Variants in SORBS2 observed in about 807,000 individuals in gnomAD.
SORBS2 encodes sorbin and SH3 domain-containing protein 2.
SORBS2 carries 46 observed loss-of-function variants against 97.7 expected under a neutral mutation model. The observed-to-expected ratio is 0.47, with a 90% CI of 0.37 to 0.60. The LOEUF (loss-of-function observed/expected upper bound fraction) is 0.60. Among genes scored for constraint, SORBS2 ranks in the 20% least tolerant of loss-of-function variants. The pLI, the probability that SORBS2 is intolerant of heterozygous loss-of-function variation, is 0.00. For missense variants in SORBS2, 1,316 were observed against 1,282.3 expected, an observed-to-expected ratio of 1.03 and a Z score of -0.40; for synonymous variants, 476 against 473.4, an observed-to-expected ratio of 1.01 and a Z score of -0.07.
intron 1 of SORBS2, among the ~76,000 whole-genome samples, chr4:185,888,081 T>TATTATTATTA (rs56214446): frequency 6.6e-6 from 1 of 151,638 alleles, no homozygotes; most frequent in African/African-American, 2.4e-5. Context: ...TTATTATTAT[T>TATTATTATTA]TTGCTTTCTG....
chr4:185,758,233 A>G (rs148858635), intron 2 of SORBS2, among the ~76,000 whole-genome samples: 2 of 152,232 alleles, frequency 1.3e-5, no homozygotes, highest in African/African-American at 4.8e-5. Context: ...ACTTTCCAGA[A>G]TTACAGCATT....
intron 1 of SORBS2, among the ~76,000 whole-genome samples, chr4:185,947,535 G>GT (rs1461837975): frequency 6.6e-6 from 1 of 152,182 alleles, no homozygotes; most frequent in African/African-American, 2.4e-5. Flanking sequence ...TGCCAGCTCT[G>GT]TGGTCTTACA....
At chr4:185,603,134 C>T (rs2096306472) in intron 12 of SORBS2, among the ~76,000 whole-genome samples, 1 of 152,092 alleles carries the variant, frequency 6.6e-6, no homozygotes, top group African/African-American at 2.4e-5. Flanking sequence ...TTTTTAAATC[C>T]TGGCTTTGTC....
intron 1 of SORBS2, among the ~76,000 whole-genome samples, chr4:185,847,308 G>C (rs1435773604): frequency 6.6e-6 from 1 of 152,098 alleles, no homozygotes; most frequent in Non-Finnish European, 1.5e-5. Flanking sequence ...ACTTTCTTTG[G>C]GATTGGAGAA....
At chr4:185,761,470 T>A (rs1461300601) in intron 2 of SORBS2, 3 of 152,256 alleles carry the variant, frequency 2.0e-5, no homozygotes, top group Non-Finnish European at 4.4e-5. Context: ...TCACATAAAT[T>A]CACCTGCATT....
At chr4:185,864,042 G>A (rs2099225408) in intron 1 of SORBS2, among the ~76,000 whole-genome samples, 1 of 152,206 alleles carries the variant, frequency 6.6e-6, no homozygotes, top group South Asian at 2.1e-4. Context: ...AAGATAAGGT[G>A]AAGTATGCAA....
intron 4 of SORBS2, among the ~76,000 whole-genome samples, chr4:185,673,491 T>C (rs2097750638): frequency 6.6e-6 from 1 of 152,186 alleles, no homozygotes; most frequent in African/African-American, 2.4e-5. Flanking sequence ...AAATAATATA[T>C]TTCTTTTTCC....
chr4:185,651,828 T>A, intron 2 of SORBS2: 1 of 1,426,472 alleles, frequency 7.0e-7, no homozygotes, highest in Non-Finnish European at 9.9e-7. Context: ...TGTGTCATCA[T>A]CTAGAAAATG....
At chr4:185,899,489 T>C (rs1440258557) in intron 1 of SORBS2, among the ~76,000 whole-genome samples, 2 of 152,146 alleles carry the variant, frequency 1.3e-5, no homozygotes, top group African/African-American at 4.8e-5. Flanking sequence ...TGGAATGCGG[T>C]GGCGTGATCA....
At chr4:185,954,988 G>A (rs576942669) in intron 1 of SORBS2, among the ~76,000 whole-genome samples, 6 of 152,074 alleles carry the variant, frequency 3.9e-5, no homozygotes, top group South Asian at 2.1e-4. Context: ...CAGTACCACC[G>A]GGCTAGCAAT....
chr4:185,591,325 T>C (rs911705210), intron 13 of SORBS2, among the ~76,000 whole-genome samples: 1 of 152,172 alleles, frequency 6.6e-6, no homozygotes, highest in African/African-American at 2.4e-5. Context: ...GCCACTTATA[T>C]CCTTTTGAGC....
At chr4:185,644,731 G>A (rs564015452) in intron 4 of SORBS2, among the ~76,000 whole-genome samples, 12 of 152,328 alleles carry the variant, frequency 7.9e-5, no homozygotes, top group African/African-American at 2.9e-4. Context: ...CATATAGTGA[G>A]TGCTCAATAA....
upstream of SORBS2, chr4:185,657,535 G>C (rs929632939): frequency 6.3e-7 from 1 of 1,582,096 alleles, no homozygotes; most frequent in Non-Finnish European, 8.6e-7. Flanking sequence ...GGTACAGGGG[G>C]ATAGAGCTGC....
chr4:185,864,964 A>G (rs924722148), intron 1 of SORBS2, among the ~76,000 whole-genome samples: 1 of 151,466 alleles, frequency 6.6e-6, no homozygotes, highest in Non-Finnish European at 1.5e-5. Flanking sequence ...GTGTGTACTG[A>G]GAATGGGGGA....
At chr4:185,736,887 C>A (rs2098691105) in intron 2 of SORBS2, among the ~76,000 whole-genome samples, 1 of 152,222 alleles carries the variant, frequency 6.6e-6, no homozygotes, top group South Asian at 2.1e-4. Context: ...ACAAGCAAGG[C>A]TGCTCCATTT....
chr4:185,760,716 C>T (rs555188502), intron 2 of SORBS2, among the ~76,000 whole-genome samples: 73 of 152,328 alleles, frequency 4.8e-4, no homozygotes, highest in African/African-American at 1.7e-3. Context: ...TTCACAAATA[C>T]GAGTTCATGA....
At chr4:185,625,400 A>AT (rs149263376) in intron 6 of SORBS2, among the ~76,000 whole-genome samples, 5,470 of 152,252 alleles carry the variant, frequency 0.036, 329 homozygotes, top group African/African-American at 0.12. Flanking sequence ...CTAATAGGAC[A>AT]TTTTCTTCCT....
intron 1 of SORBS2, among the ~76,000 whole-genome samples, chr4:185,800,612 G>T (rs2099125677): frequency 6.6e-6 from 1 of 152,070 alleles, no homozygotes; most frequent in South Asian, 2.1e-4. Context: ...TCTGCTGCTG[G>T]TGCCTTCCCC....
At chr4:185,829,999 T>C (rs952559825) in intron 1 of SORBS2, among the ~76,000 whole-genome samples, 12 of 152,202 alleles carry the variant, frequency 7.9e-5, no homozygotes, top group Non-Finnish European at 1.6e-4. Flanking sequence ...TATATATTAA[T>C]TAAATTAAAA....
Sources: allele counts gnomAD v4.1 joint callset (sites outside exome capture counted in the v4.1 genomes callset), GRCh38; gene constraint gnomAD v4.1.1; transcripts MANE v1.5; gene names NCBI Gene and HGNC (gene_info 2026-07-23, HGNC 2026-07-21).